The following ITGBL1 variants were observed in gnomAD, a reference collection of about 807,000 sequenced individuals.
The protein encoded by ITGBL1 is integrin subunit beta like 1, also known as integrin beta-like protein 1.
ITGBL1 carries 51 observed loss-of-function variants against 68.5 expected under a neutral mutation model. That is an observed-to-expected ratio of 0.74 (90% CI 0.59 to 0.94). The LOEUF (loss-of-function observed/expected upper bound fraction) is 0.94. Ranked by LOEUF, ITGBL1 falls within the 40% of genes least tolerant of loss-of-function variation. The pLI is 0.00. For missense variants in ITGBL1, 649 were observed against 647.4 expected (o/e 1.00, Z -0.03); for synonymous variants, 209 against 227.3 (o/e 0.92, Z 0.72).
chr13:101,694,926 AT>A (rs894333474), intron 8 of ITGBL1, among the ~76,000 whole-genome samples: 3 of 152,132 alleles, frequency 2.0e-5, no homozygotes, highest in African/African-American at 7.2e-5. Flanking sequence ...TGAAGTAATT[AT>A]TTTTTCATTA....
intron 7 of ITGBL1, among the ~76,000 whole-genome samples, chr13:101,688,640 TA>T (rs2139545387): frequency 6.6e-6 from 1 of 152,228 alleles, no homozygotes; most frequent in Admixed American, 6.5e-5. Flanking sequence ...AAAAGCAGAT[TA>T]TGTGGATTTT....
intron 7 of ITGBL1, among the ~76,000 whole-genome samples, chr13:101,608,015 A>G (rs1212641266): frequency 2.6e-5 from 4 of 152,058 alleles, no homozygotes; most frequent in East Asian, 1.9e-4. Flanking sequence ...GACTTGTTCT[A>G]TGCGGTATTG....
intron 2 of ITGBL1, among the ~76,000 whole-genome samples, chr13:101,489,482 T>C (rs2048745693): frequency 6.6e-6 from 1 of 152,192 alleles, no homozygotes; most frequent in African/African-American, 2.4e-5. Flanking sequence ...ATACATGGCA[T>C]ATAGGAGGGG....
At chr13:101,676,805 G>A (rs1029338512) in intron 7 of ITGBL1, among the ~76,000 whole-genome samples, 11 of 152,214 alleles carry the variant, frequency 7.2e-5, no homozygotes, top group East Asian at 1.9e-4. Flanking sequence ...TAAGATATTC[G>A]TATAAGATAT....
chr13:101,547,218 G>T (rs998195611), intron 2 of ITGBL1, among the ~76,000 whole-genome samples: 3 of 151,602 alleles, frequency 2.0e-5, no homozygotes, highest in Non-Finnish European at 3.0e-5. Context: ...TTTGTTTTGT[G>T]TATGCCTATA....
At chr13:101,532,505 G>C (rs111488970) in intron 2 of ITGBL1, among the ~76,000 whole-genome samples, 6 of 152,276 alleles carry the variant, frequency 3.9e-5, no homozygotes, top group African/African-American at 1.4e-4. Context: ...AAGTTCCATG[G>C]ATTATAAACG....
chr13:101,558,751 T>C (rs760025781), intron 2 of ITGBL1, among the ~76,000 whole-genome samples: 14 of 152,236 alleles, frequency 9.2e-5, no homozygotes, highest in Non-Finnish European at 1.9e-4. Context: ...TGATCTCATA[T>C]ACATTTTTAA....
At chr13:101,678,963 T>A (rs1239342484) in intron 7 of ITGBL1, among the ~76,000 whole-genome samples, 1 of 151,880 alleles carries the variant, frequency 6.6e-6, no homozygotes, top group Non-Finnish European at 1.5e-5. Flanking sequence ...TTGCCCAGGC[T>A]AGAGTGCAGT....
At chr13:101,505,697 A>T (rs189626736) in intron 2 of ITGBL1, among the ~76,000 whole-genome samples, 1 of 152,328 alleles carries the variant, frequency 6.6e-6, no homozygotes, top group Admixed American at 6.5e-5. Flanking sequence ...CCTCCTTGCC[A>T]GCCAATGAGC....
intron 7 of ITGBL1, among the ~76,000 whole-genome samples, chr13:101,627,158 A>G (rs1035977517): frequency 6.6e-6 from 1 of 152,170 alleles, no homozygotes; most frequent in Non-Finnish European, 1.5e-5. Flanking sequence ...ACTGCTTCTC[A>G]AAGTGTAGTC....
At chr13:101,531,531 G>A (rs1254766337) in intron 2 of ITGBL1, among the ~76,000 whole-genome samples, 1 of 150,952 alleles carries the variant, frequency 6.6e-6, no homozygotes, top group Non-Finnish European at 1.5e-5. Context: ...AGAATTGGAA[G>A]TAAGACATTT....
At position 101,538,250 on chromosome 13, in the gene ITGBL1, ATAGTTCTAAAGAAGATGAATTCT is replaced by A. The variant is rs1381464478; in HGVS notation, c.317-29434_317-29412del. ...TTATCAGTGGTGTGCCCATAAGCAA[ATAGTTCTAAAGAAGATGAATTCT>A]TAGTTCTAAAGAAGGAAACAGTTTA... On this transcript the variant is annotated intron_variant, in intron 2 of 10. Coordinates refer to ENST00000376180, the MANE Select transcript of ITGBL1 (RefSeq NM_004791.3). Among the ~76,000 whole-genome samples the A allele has an allele frequency of 3.9e-5, 6 of 152,036 alleles. No individual in the cohort carries two copies. In the South Asian group the frequency reaches 8.3e-4, roughly 21 times the overall value.
At chr13:101,590,663 C>T (rs535440661) in intron 6 of ITGBL1, among the ~76,000 whole-genome samples, 2 of 152,288 alleles carry the variant, frequency 1.3e-5, no homozygotes, top group South Asian at 4.1e-4. Flanking sequence ...TCGCAAATGT[C>T]AGCATGTTCT....
chr13:101,484,734 T>A (rs2048676420), intron 2 of ITGBL1, among the ~76,000 whole-genome samples: 1 of 151,828 alleles, frequency 6.6e-6, no homozygotes, highest in African/African-American at 2.4e-5. Flanking sequence ...GAACATCAGT[T>A]AGCTGTGAAA....
intron 2 of ITGBL1, chr13:101,490,072 C>A: frequency 2.1e-6 from 2 of 955,846 alleles, no homozygotes; most frequent in South Asian, 2.9e-5. Flanking sequence ...CCCCAAAATT[C>A]TGTGTTGAAA....
At chr13:101,657,270 T>A in intron 7 of ITGBL1, among the ~76,000 whole-genome samples, 1 of 152,208 alleles carries the variant, frequency 6.6e-6, no homozygotes, top group East Asian at 1.9e-4. Flanking sequence ...TGCACAAAAA[T>A]TTATTATTTT....
At position 101,598,075 on chromosome 13, in the gene ITGBL1, T is replaced by G. The variant is rs1301794039; in HGVS notation, c.869-78T>G. 6 of 1,304,850 alleles carry G rather than the reference T, an allele frequency of 4.6e-6. No homozygotes were observed. The East Asian group carries it at 1.5e-4, about 32-fold the overall frequency. The allele number at this position is 1,304,850 out of a possible 1,614,324, so 80.8% of individuals were successfully genotyped here. On this transcript the variant is annotated intron_variant, in intron 6 of 10. Transcript: ENST00000376180. ...CAAGATCCTGACTCATTTGTGACATTTGCTGTTAGAATGAAAACTAATTCC... is the reference window on the plus strand; with the variant it reads ...CAAGATCCTGACTCATTTGTGACATGTGCTGTTAGAATGAAAACTAATTCC...
At chr13:101,472,419 G>T (rs149921059) in intron 2 of ITGBL1, among the ~76,000 whole-genome samples, 1 of 152,054 alleles carries the variant, frequency 6.6e-6, no homozygotes, top group Non-Finnish European at 1.5e-5. Flanking sequence ...TTTAATTTTC[G>T]TGCGTTTTCT....
At chr13:101,716,971 T>C (rs2034748604), downstream of ITGBL1, 1 of 152,040 alleles carries the variant, frequency 6.6e-6, no homozygotes, top group African/African-American at 2.4e-5. Context: ...AATCTACTTA[T>C]ACACATTAGT....
Sources: gnomAD v4.1 joint callset for allele counts (sites outside exome capture counted in the v4.1 genomes callset) on GRCh38, gnomAD v4.1.1 for gene constraint, MANE v1.5 for transcripts, NCBI Gene and HGNC (gene_info 2026-07-23, HGNC 2026-07-21) for gene names.